CAPZA1: variants seen among roughly 807,000 people sequenced by gnomAD.
CAPZA1 encodes the protein capping actin protein of muscle Z-line subunit alpha 1.
CAPZA1 carries 10 observed loss-of-function variants against 40.8 expected under a neutral mutation model. The observed-to-expected ratio is 0.25, with a 90% CI of 0.15 to 0.42. The LOEUF is 0.42. CAPZA1 is among the 10% of genes least tolerant of loss of function. The probability of loss-of-function intolerance (pLI) is 1.00; values close to 1 mark genes in which losing one functional copy is unlikely to be tolerated. For missense variants in CAPZA1, 277 were observed against 353.8 expected, an observed-to-expected ratio of 0.78 and a Z score of 1.74; for synonymous variants, 98 against 115.0, an observed-to-expected ratio of 0.85 and a Z score of 0.95.
At chr1:112,635,923 G>A (rs988317048) in intron 1 of CAPZA1, among the ~76,000 whole-genome samples, 3 of 152,184 alleles carry the variant, frequency 2.0e-5, no homozygotes, top group African/African-American at 7.2e-5. Flanking sequence ...CAGCTACTCA[G>A]GAGGCTGGGG....
At chr1:112,641,660 G>A (rs796772859) in intron 1 of CAPZA1, among the ~76,000 whole-genome samples, 2 of 152,026 alleles carry the variant, frequency 1.3e-5, no homozygotes, top group African/African-American at 4.8e-5. Flanking sequence ...GAGGTGAGGC[G>A]GGTGGATCAT....
At chr1:112,663,026 A>G (rs1046574931) in intron 7 of CAPZA1, among the ~76,000 whole-genome samples, 4 of 151,796 alleles carry the variant, frequency 2.6e-5, no homozygotes, top group Non-Finnish European at 4.4e-5. Flanking sequence ...GTGCAGTGAC[A>G]CGACCTTGGC....
intron 5 of CAPZA1, among the ~76,000 whole-genome samples, chr1:112,656,364 C>T (rs543704850): frequency 1.3e-5 from 2 of 149,846 alleles, no homozygotes; most frequent in East Asian, 3.9e-4. Context: ...GTAATATATG[C>T]CTGGAACAGT....
chr1:112,648,188 A>T (rs1671317401), intron 2 of CAPZA1, among the ~76,000 whole-genome samples: 1 of 152,130 alleles, frequency 6.6e-6, no homozygotes, highest in Non-Finnish European at 1.5e-5. Context: ...AGGGAGTATA[A>T]GATATAATAG....
At chr1:112,620,809 GACAGTTGC>G (rs1382728975) in intron 1 of CAPZA1, 11 of 152,312 alleles carry the variant, frequency 7.2e-5, no homozygotes, top group African/African-American at 2.6e-4. Flanking sequence ...CTTTTCTTCT[GACAGTTGC>G]ACAGTTTCAT....
intron 1 of CAPZA1, among the ~76,000 whole-genome samples, chr1:112,627,821 G>A (rs1433195863): frequency 6.6e-6 from 1 of 151,720 alleles, no homozygotes; most frequent in South Asian, 2.1e-4. Context: ...TTAGCTGGGC[G>A]TGATGGCGCA....
intron 3 of CAPZA1, 44 bp downstream of exon 3, chr1:112,649,513 G>A (rs779136689): frequency 7.1e-7 from 1 of 1,416,516 alleles, no homozygotes; most frequent in South Asian, 1.2e-5. Context: ...CTCTAACATT[G>A]GATAAACTAT....
chr1:112,627,924 C>T (rs1258193794), intron 1 of CAPZA1, among the ~76,000 whole-genome samples: 4 of 152,148 alleles, frequency 2.6e-5, no homozygotes, highest in African/African-American at 7.2e-5. Flanking sequence ...TGCGCCATTG[C>T]ACTCCAGCCT....
intron 3 of CAPZA1, among the ~76,000 whole-genome samples, chr1:112,651,999 T>C (rs982982846): frequency 1.3e-5 from 2 of 152,150 alleles, no homozygotes; most frequent in Middle Eastern, 3.4e-3. Flanking sequence ...TGCGCATCTG[T>C]AATCCCAGTT....
intron 1 of CAPZA1, among the ~76,000 whole-genome samples, chr1:112,629,018 T>C (rs1402167706): frequency 6.6e-6 from 1 of 152,230 alleles, no homozygotes; most frequent in Non-Finnish European, 1.5e-5. Flanking sequence ...CAGCAGTCTG[T>C]CCTCGATGAA....
intron 3 of CAPZA1, among the ~76,000 whole-genome samples, chr1:112,652,778 A>C (rs1671419870): frequency 6.6e-6 from 1 of 151,974 alleles, no homozygotes; most frequent in African/African-American, 2.4e-5. Context: ...ATATAAGTGT[A>C]GCTCTTATTT....
Position 112,638,851 on chromosome 1 carries a change from C to T in CAPZA1, c.40-8359C>T, listed in dbSNP as rs1023377393. On this transcript the variant is annotated intron_variant, in intron 1 of 9. Transcript: ENST00000263168. ...CCAGGAGGCAGAGGTTGCAGTGAGC[C>T]GAGATCATGCCACTGCACTCCGGCC... Among the ~76,000 whole-genome samples, 18 of 148,808 alleles carry T rather than the reference C, an allele frequency of 1.2e-4. No homozygotes were observed. In the East Asian group the frequency reaches 3.3e-3, roughly 27 times the overall value.
chr1:112,624,306 GATTATAA>G, intron 1 of CAPZA1, among the ~76,000 whole-genome samples: 1 of 152,054 alleles, frequency 6.6e-6, no homozygotes, highest in South Asian at 2.1e-4. Flanking sequence ...CCATTTAGTG[GATTATAA>G]ATGAGGTATT....
intron 1 of CAPZA1, among the ~76,000 whole-genome samples, chr1:112,624,686 C>G (rs1237351499): frequency 6.6e-6 from 1 of 150,432 alleles, no homozygotes; most frequent in Non-Finnish European, 1.5e-5. Flanking sequence ...TATGGCCTTT[C>G]CCTTTCGTGC....
At chr1:112,637,181 C>T (rs1341319110) in intron 1 of CAPZA1, among the ~76,000 whole-genome samples, 1 of 152,240 alleles carries the variant, frequency 6.6e-6, no homozygotes, top group African/African-American at 2.4e-5. Context: ...CTCCCTGAAC[C>T]TATTTCTTGA....
intron 1 of CAPZA1, among the ~76,000 whole-genome samples, chr1:112,629,833 T>C (rs151188552): frequency 8.5e-4 from 130 of 152,284 alleles, no homozygotes; most frequent in Middle Eastern, 3.4e-3. Context: ...ACTACCTTTT[T>C]TGTTCTTATT....
rs1553181451 is a variant in CAPZA1, at chr1:112,670,367, T to TTTC, written c.*237_*238insCTT. The TTTC allele has an allele frequency of 8.0e-5, 32 of 399,644 alleles. No individual in the cohort carries two copies. Among genetic ancestry groups the TTTC allele is most frequent in the Admixed American group, 3.5e-4 (8 of 22,800 alleles). The allele number at this position is 399,644 out of a possible 1,614,324, so 24.8% of individuals were successfully genotyped here. On this transcript the variant is annotated 3_prime_UTR_variant, in exon 10 of 10. Coordinates refer to ENST00000263168, the MANE Select transcript of CAPZA1 (RefSeq NM_006135.3). ...CTACGTGTAAATCTTTTTTTCTTTT[T>TTTC]TTTTTTTTTTTTTTGGTTAATTCTG...
chr1:112,637,054 G>A (rs1671034057), intron 1 of CAPZA1, among the ~76,000 whole-genome samples: 1 of 152,174 alleles, frequency 6.6e-6, no homozygotes, highest in African/African-American at 2.4e-5. Flanking sequence ...CACACTAAAG[G>A]TAATCCTCCA....
chr1:112,667,987 T>G (rs1671756994), intron 8 of CAPZA1, among the ~76,000 whole-genome samples: 1 of 152,034 alleles, frequency 6.6e-6, no homozygotes, highest in East Asian at 1.9e-4. Flanking sequence ...CACTAAAAAT[T>G]AAAGCTGAGA....
Sources: gnomAD v4.1 joint callset for allele counts (sites outside exome capture counted in the v4.1 genomes callset) on GRCh38, gnomAD v4.1.1 for gene constraint, MANE v1.5 for transcripts, NCBI Gene and HGNC (gene_info 2026-07-23, HGNC 2026-07-21) for gene names.